Variants in PLSCR4 observed in about 807,000 individuals in gnomAD.
PLSCR4 encodes the protein Ca(2+)-dependent phospholipid scramblase 4.
Under a neutral mutation model 36.3 loss-of-function variants are expected in PLSCR4, and 25 were observed. The observed-to-expected ratio is 0.69, with a 90% confidence interval of 0.50 to 0.96. The LOEUF (loss-of-function observed/expected upper bound fraction) is 0.96. PLSCR4 is among the 40% of genes least tolerant of loss of function. PLSCR4 has a pLI of 0.00. For missense variants in PLSCR4, 408 were observed against 414.7 expected (o/e 0.98, Z 0.14); for synonymous variants, 122 against 132.9 (o/e 0.92, Z 0.56).
intron 4 of PLSCR4, 78 bp downstream of exon 4, chr3:146,206,448 G>A (rs1166010922): frequency 2.0e-5 from 20 of 1,006,850 alleles, no homozygotes; most frequent in Non-Finnish European, 3.1e-6. Flanking sequence ...TATTCACTCT[G>A]GTCTGCTTTT....
At chr3:146,198,286 A>G (rs2033858897) in intron 6 of PLSCR4, among the ~76,000 whole-genome samples, 1 of 152,152 alleles carries the variant, frequency 6.6e-6, no homozygotes, top group Non-Finnish European at 1.5e-5. Context: ...CAAATGATAA[A>G]ACTGCACAAA....
chr3:146,223,039 G>C (rs1486955486), intron 1 of PLSCR4, among the ~76,000 whole-genome samples: 1 of 152,122 alleles, frequency 6.6e-6, no homozygotes, highest in East Asian at 1.9e-4. Flanking sequence ...AACTAGAGAG[G>C]AGGATAGTGG....
chr3:146,206,646 G>A lies in PLSCR4; in HGVS notation c.234C>T (p.Ile78=). The A allele has an allele frequency of 6.2e-7, 1 of 1,613,384 alleles. No homozygotes were observed. The highest frequency in any genetic ancestry group is 8.5e-7 in the Non-Finnish European group (1 of 1,179,620). Residue 78 remains isoleucine (I), a synonymous_variant, in exon 4 of 9, where the codon ATC becomes ATT. Transcript: ENST00000354952. ...TGCCAGGCTGATACCGGACAGGATG[G>A]ATACCACCAACTGGCTGGTACAAAG... ...TFPLYQPVGG[I]HPVRYQPGKY... is the part of the protein sequence containing the mutation.
chr3:146,201,154 T>C (rs2034027904), intron 4 of PLSCR4, 77 bp from the exon 5 acceptor site: 2 of 897,708 alleles, frequency 2.2e-6, no homozygotes, highest in Non-Finnish European at 3.3e-6. Flanking sequence ...ACTGATGAAA[T>C]AGATATTAAA....
intron 1 of PLSCR4, chr3:146,222,529 T>C (rs1322855135): frequency 1.3e-5 from 2 of 152,372 alleles, no homozygotes; most frequent in African/African-American, 4.8e-5. Context: ...ACTACAATTG[T>C]GGGAAGAGAG....
chr3:146,214,800 T>C (rs893061990), intron 3 of PLSCR4, among the ~76,000 whole-genome samples: 6 of 152,160 alleles, frequency 3.9e-5, no homozygotes, highest in East Asian at 1.9e-4. Flanking sequence ...CAGTTTGGTT[T>C]ATAGTGCTGT....
chr3:146,213,756 G>C (rs182510434), intron 3 of PLSCR4, among the ~76,000 whole-genome samples: 1 of 152,192 alleles, frequency 6.6e-6, no homozygotes, highest in Non-Finnish European at 1.5e-5. Flanking sequence ...TCAATTGTTT[G>C]TATCTTTCTA....
At chr3:146,232,616 T>G (rs2035757185) in intron 1 of PLSCR4, among the ~76,000 whole-genome samples, 1 of 152,206 alleles carries the variant, frequency 6.6e-6, no homozygotes, top group African/African-American at 2.4e-5. Flanking sequence ...TGAATGGTAT[T>G]GCATTCTTGA....
Position 146,248,492 on chromosome 3 carries a change from A to ACG in PLSCR4, c.-22+2467_-22+2468insCG, listed in dbSNP as rs1485844400. Among the ~76,000 whole-genome samples the ACG allele has an allele frequency of 2.7e-5, 4 of 150,596 alleles. No individual in the cohort carries two copies. In the South Asian group the frequency reaches 8.4e-4, roughly 32 times the overall value. ...ATTACTACACTACACACACACAGAC[A>ACG]CACACACACACACACAGTGTTTCAA... is the stretch of plus-strand genomic sequence containing the variant. On this transcript the variant is annotated intron_variant, in intron 1 of 8. Coordinates refer to ENST00000354952, the MANE Select transcript of PLSCR4 (RefSeq NM_020353.3).
intron 3 of PLSCR4, among the ~76,000 whole-genome samples, chr3:146,210,046 T>C (rs565104468): frequency 6.6e-6 from 1 of 152,246 alleles, no homozygotes; most frequent in East Asian, 1.9e-4. Context: ...AAGTCCCTTA[T>C]ATAAAATGGT....
chr3:146,193,147 T>G lies in PLSCR4; in HGVS notation c.*1264A>C, dbSNP rs187644902. ...ACTCACTTATACACTATGCTTTTAA[T>G]TAGTTAACACAAAAATGTGTAATTG... On this transcript the variant is annotated 3_prime_UTR_variant, in exon 9 of 9. Transcript: ENST00000354952. The G allele has an allele frequency of 6.6e-6, 1 of 152,310 alleles. No individual in the cohort carries two copies. Among genetic ancestry groups the G allele is most frequent in the East Asian group, 1.9e-4 (1 of 5,184 alleles). The allele number at this position is 152,310 out of a possible 1,614,324, so 9.4% of individuals were successfully genotyped here. A position where few individuals can be genotyped will look rare whatever the true frequency, so the allele number is the denominator to read the frequency against.
At chr3:146,241,301 G>C (rs1402399890) in intron 1 of PLSCR4, among the ~76,000 whole-genome samples, 12 of 152,118 alleles carry the variant, frequency 7.9e-5, no homozygotes, top group Non-Finnish European at 1.6e-4. Flanking sequence ...TGTACACTTT[G>C]AATGGGTGAA....
chr3:146,243,478 C>A (rs1036618963), intron 1 of PLSCR4, among the ~76,000 whole-genome samples: 1 of 152,232 alleles, frequency 6.6e-6, no homozygotes, highest in African/African-American at 2.4e-5. Context: ...ATGCAGAGTT[C>A]GGGCACATAA....
At chr3:146,223,558 G>A (rs560073805) in intron 1 of PLSCR4, among the ~76,000 whole-genome samples, 14 of 152,242 alleles carry the variant, frequency 9.2e-5, no homozygotes, top group African/African-American at 3.1e-4. Flanking sequence ...AAAGTATCAA[G>A]TTAGAGTAGG....
At position 146,220,930 on chromosome 3, in the gene PLSCR4, AG is replaced by A; in HGVS notation, c.8-6del. 13 of 1,535,914 alleles carry A rather than the reference AG, an allele frequency of 8.5e-6. No homozygotes were observed. The highest frequency in any genetic ancestry group is 1.2e-5 in the Non-Finnish European group (13 of 1,114,050). Reference sequence around the variant, plus strand: ...CAGGGGCTGTGGGTACCACACCTTCAGGGGAAGACAGGGAACATGACTTACA... The same window carrying A: ...CAGGGGCTGTGGGTACCACACCTTCAGGGAAGACAGGGAACATGACTTACA... On this transcript the variant is annotated splice_region_variant and splice_polypyrimidine_tract_variant and intron_variant, in intron 2 of 8. Coordinates refer to ENST00000354952, the MANE Select transcript of PLSCR4 (RefSeq NM_020353.3).
At chr3:146,195,025 G>T (rs2033641709) in intron 8 of PLSCR4, 99 bp downstream of exon 8, 1 of 995,252 alleles carries the variant, frequency 1.0e-6, no homozygotes, top group Non-Finnish European at 1.5e-6. Flanking sequence ...ACAGAGATAA[G>T]TTGGATTGGT....
chr3:146,199,194 A>T (rs1178788932), intron 6 of PLSCR4, among the ~76,000 whole-genome samples: 3 of 152,176 alleles, frequency 2.0e-5, no homozygotes, highest in Non-Finnish European at 4.4e-5. Context: ...AGATTTAAGT[A>T]GGTGACATAT....
rs1325505827 is a variant in PLSCR4, at chr3:146,221,070, A to G, written c.8-145T>C. The G allele has an allele frequency of 5.4e-6, 3 of 550,546 alleles. No homozygotes were observed. The Admixed American group carries it at 1.1e-4, about 19-fold the overall frequency. 34.1% of individuals were successfully genotyped at this position (550,546 alleles called of 1,614,324 possible). ...CCTATATTTTTTAAAGAAAGAATTC[A>G]TCATATATTAGACACTATTAATAAA... On this transcript the variant is annotated intron_variant, in intron 2 of 8. Coordinates refer to ENST00000354952, the MANE Select transcript of PLSCR4 (RefSeq NM_020353.3).
intron 6 of PLSCR4, among the ~76,000 whole-genome samples, chr3:146,199,475 G>A (rs1430817312): frequency 1.3e-5 from 2 of 152,060 alleles, no homozygotes; most frequent in Non-Finnish European, 2.9e-5. Context: ...TTTATCTTTA[G>A]CATTGCTTTA....
Sources: gnomAD v4.1 joint callset for allele counts (sites outside exome capture counted in the v4.1 genomes callset) on GRCh38, gnomAD v4.1.1 for gene constraint, MANE v1.5 for transcripts, NCBI Gene and HGNC (gene_info 2026-07-23, HGNC 2026-07-21) for gene names.